DNMT3B: variants seen among roughly 807,000 people sequenced by gnomAD.
The protein encoded by DNMT3B is DNA (cytosine-5)-methyltransferase 3B.
Under a neutral mutation model 120.2 loss-of-function variants are expected in DNMT3B, and 37 were observed. The observed-to-expected ratio is 0.31, with a 90% CI of 0.24 to 0.40. DNMT3B has a LOEUF of 0.40. Among genes scored for constraint, DNMT3B ranks in the 10% least tolerant of loss-of-function variants. DNMT3B has a pLI of 1.00. For synonymous variants in DNMT3B, 412 were observed against 442.8 expected, an observed-to-expected ratio of 0.93 and a Z score of 0.87; for missense variants, 878 against 1,137.3, an observed-to-expected ratio of 0.77 and a Z score of 3.28.
chr20:32,784,532 C>T (rs1979020263), intron 3 of DNMT3B, among the ~76,000 whole-genome samples: 1 of 152,164 alleles, frequency 6.6e-6, no homozygotes, highest in Non-Finnish European at 1.5e-5. Flanking sequence ...AGGTGTGAGG[C>T]CTGCACGAGG....
intron 18 of DNMT3B, 66 bp downstream of exon 18, chr20:32,800,991 G>C: frequency 6.3e-7 from 1 of 1,585,002 alleles, no homozygotes; most frequent in Non-Finnish European, 8.7e-7. Context: ...CCCAGGTGCA[G>C]CAGCCTGAGA....
chr20:32,807,720 A>G (rs1271366983), intron 22 of DNMT3B, 42 bp from the exon 23 acceptor site: 1 of 1,612,472 alleles, frequency 6.2e-7, no homozygotes. Flanking sequence ...AACATCCTGG[A>G]GGCACTTCTG....
At chr20:32,776,015 G>C (rs1988053456) in intron 1 of DNMT3B, among the ~76,000 whole-genome samples, 2 of 152,202 alleles carry the variant, frequency 1.3e-5, no homozygotes, top group African/African-American at 4.8e-5. Context: ...GATCACCTGA[G>C]GTCAGGAGTT....
intron 20 of DNMT3B, 74 bp from the exon 21 acceptor site, chr20:32,805,264 C>CCT: frequency 6.4e-7 from 1 of 1,568,120 alleles, no homozygotes; most frequent in Non-Finnish European, 8.8e-7. Context: ...CAACATAGAC[C>CCT]CTCACTCCCA....
chr20:32,794,026 A>AC (rs1288950459), intron 10 of DNMT3B, among the ~76,000 whole-genome samples: 10 of 152,160 alleles, frequency 6.6e-5, no homozygotes, highest in Admixed American at 5.9e-4. Context: ...CATATTATGT[A>AC]AAATTAAAAA....
intron 6 of DNMT3B, 130 bp downstream of exon 6, chr20:32,787,581 T>G (rs1400922527): frequency 9.3e-7 from 1 of 1,071,944 alleles, no homozygotes; most frequent in Non-Finnish European, 1.4e-6. Flanking sequence ...ATAATTGACA[T>G]GTTTGAATTC....
chr20:32,791,492 C>G lies in DNMT3B; in HGVS notation c.814-109C>G, dbSNP rs183437529. The G allele has an allele frequency of 6.3e-4, 674 of 1,063,596 alleles. 10 individuals carry two copies. Among genetic ancestry groups the G allele is most frequent in the African/African-American group, 4.7e-5 (3 of 64,274 alleles). 65.9% of individuals were successfully genotyped at this position (1,063,596 alleles called of 1,614,324 possible). A position where few individuals can be genotyped will look rare whatever the true frequency, so the allele number is the denominator to read the frequency against. On this transcript the variant is annotated intron_variant, in intron 7 of 22. Coordinates refer to ENST00000328111, the MANE Select transcript of DNMT3B (RefSeq NM_006892.4). ...TGGACTTTATCCCCAGGAATGGTCT[C>G]TTGGTTAAAGTGTGTGAAAATCTTC...
At chr20:32,805,272 C>T in intron 20 of DNMT3B, 66 bp from the exon 21 acceptor site, 1 of 1,595,982 alleles carries the variant, frequency 6.3e-7, no homozygotes, top group South Asian at 1.1e-5. Flanking sequence ...ACCCTCACTC[C>T]CACCTTGTGC....
intron 1 of DNMT3B, among the ~76,000 whole-genome samples, chr20:32,774,789 A>G (rs1390634591): frequency 6.6e-6 from 1 of 150,662 alleles, no homozygotes; most frequent in African/African-American, 2.4e-5. Context: ...CACGATCTCA[A>G]CCTCACTGCA....
At chr20:32,770,216 G>A (rs747655041) in intron 1 of DNMT3B, among the ~76,000 whole-genome samples, 23 of 152,092 alleles carry the variant, frequency 1.5e-4, no homozygotes, top group African/African-American at 5.1e-4. Flanking sequence ...GGGTTCAAAC[G>A]ATTCTTCTGC....
chr20:32,805,529 G>T, intron 21 of DNMT3B, 122 bp downstream of exon 21: 1 of 1,072,744 alleles, frequency 9.3e-7, no homozygotes, highest in South Asian at 1.3e-5. Flanking sequence ...CTGGTGTTGG[G>T]CTTCCCTCTC....
At position 32,789,602 on chromosome 20, in the gene DNMT3B, G is replaced by A. The variant is rs1979724812; in HGVS notation, c.813+590G>A. ...ACACTCTTTCAACAAAGATTTTTTT[G>A]GGGGCGGTGAGAATGGAGTCTCACT... On this transcript the variant is annotated intron_variant, in intron 7 of 22. Transcript: ENST00000328111. 3.3e-5 allele frequency among the ~76,000 whole-genome samples: 5 copies of A among 152,044 alleles called. No individual in the cohort carries two copies. In the South Asian group the frequency reaches 1.0e-3, roughly 32 times the overall value.
intron 22 of DNMT3B, among the ~76,000 whole-genome samples, chr20:32,806,966 T>G (rs973332233): frequency 2.0e-5 from 3 of 152,232 alleles, no homozygotes; most frequent in African/African-American, 7.2e-5. Context: ...TATAACTCAT[T>G]TAATTTCTTC....
intron 1 of DNMT3B, among the ~76,000 whole-genome samples, chr20:32,774,430 C>T (rs753520609): frequency 2.0e-4 from 30 of 150,750 alleles, no homozygotes; most frequent in South Asian, 8.4e-4. Context: ...AGGATGGTCT[C>T]GAGCTCCTGA....
rs1568866697 is a variant in DNMT3B at position 32,808,174 on chromosome 20, A to AG, written c.*272dup. 2 of 506,256 alleles carry AG rather than the reference A, an allele frequency of 4.0e-6. No individual in the cohort carries two copies. The highest frequency in any genetic ancestry group is 7.1e-6 in the Non-Finnish European group (2 of 283,460). 31.4% of individuals were successfully genotyped at this position (506,256 alleles called of 1,614,324 possible). A position where few individuals can be genotyped will look rare whatever the true frequency, so the allele number is the denominator to read the frequency against. The stretch of plus-strand genomic sequence containing the variant: ...CTTCTCCTAAAACTTTAAAACTTGA[A>AG]GTAGGTAGCAACGTGGCTTTTTTTT... On this transcript the variant is annotated 3_prime_UTR_variant, in exon 23 of 23. Coordinates refer to ENST00000328111, the MANE Select transcript of DNMT3B (RefSeq NM_006892.4).
chr20:32,806,812 C>G (rs112078659), intron 22 of DNMT3B, among the ~76,000 whole-genome samples: 245 of 123,960 alleles, frequency 2.0e-3, no homozygotes, highest in African/African-American at 7.3e-3. Flanking sequence ...TTTCACTCCT[C>G]TATTGTTTGT....
chr20:32,790,242 G>C (rs1273140359), intron 7 of DNMT3B, among the ~76,000 whole-genome samples: 3 of 152,196 alleles, frequency 2.0e-5, no homozygotes, highest in African/African-American at 7.2e-5. Flanking sequence ...ACAAGTCCTG[G>C]GCCCATGCTG....
intron 1 of DNMT3B, among the ~76,000 whole-genome samples, chr20:32,777,181 A>G (rs1415073269): frequency 2.0e-5 from 3 of 152,170 alleles, no homozygotes; most frequent in African/African-American, 7.2e-5. Flanking sequence ...AGTGCCATTT[A>G]TTGTGGGTTT....
intron 17 of DNMT3B, 119 bp from the exon 18 acceptor site, chr20:32,800,716 C>A: frequency 8.6e-7 from 1 of 1,161,492 alleles, no homozygotes; most frequent in Non-Finnish European, 1.3e-6. Flanking sequence ...CCGCCGTCAG[C>A]CTTCCTGGGA....
Sources: allele counts gnomAD v4.1 joint callset (sites outside exome capture counted in the v4.1 genomes callset), GRCh38; gene constraint gnomAD v4.1.1; transcripts MANE v1.5; gene names NCBI Gene and HGNC (gene_info 2026-07-23, HGNC 2026-07-21).